PDZRN4: variants seen among roughly 807,000 people sequenced by gnomAD.
The protein encoded by PDZRN4 is PDZ domain-containing RING finger protein 4.
Under a neutral mutation model 99.0 loss-of-function variants are expected in PDZRN4, and 70 were observed. That is an observed-to-expected ratio of 0.71 (90% CI 0.58 to 0.86). PDZRN4 has a LOEUF of 0.86. PDZRN4 is among the 40% of genes least tolerant of loss of function. The pLI is 0.00. For missense variants in PDZRN4, 1,474 were observed against 1,331.2 expected, an observed-to-expected ratio of 1.11 and a Z score of -1.67; for synonymous variants, 551 against 501.6, an observed-to-expected ratio of 1.10 and a Z score of -1.32.
At position 41,442,155 on chromosome 12, in the gene PDZRN4, C is replaced by T. The variant is rs911391493; in HGVS notation, c.844-64301C>T. 2.0e-5 allele frequency among the ~76,000 whole-genome samples: 3 copies of T among 152,126 alleles called. No individual in the cohort carries two copies. In the South Asian group the frequency reaches 6.2e-4, roughly 32 times the overall value. ...CTTTCCAATTGTCTCTCTTCCTATT[C>T]TTCCTCTAATGCAATTTGTAATTGC... On this transcript the variant is annotated intron_variant, in intron 3 of 9. Transcript: ENST00000402685.
At chr12:41,453,975 A>T (rs775322349) in intron 3 of PDZRN4, among the ~76,000 whole-genome samples, 2 of 91,096 alleles carry the variant, frequency 2.2e-5, no homozygotes, top group Non-Finnish European at 4.6e-5. Flanking sequence ...CATTGTTTAT[A>T]GTCAGGGATT....
intron 3 of PDZRN4, among the ~76,000 whole-genome samples, chr12:41,318,421 T>C (rs545391795): frequency 6.6e-6 from 1 of 152,162 alleles, no homozygotes. Context: ...TGTAGAAAAT[T>C]GGGAAAACAA....
intron 3 of PDZRN4, among the ~76,000 whole-genome samples, chr12:41,487,023 A>G (rs1025341954): frequency 3.3e-5 from 5 of 152,090 alleles, no homozygotes; most frequent in South Asian, 2.1e-4. Context: ...AAGAAATACT[A>G]CAACTCCCCT....
intron 3 of PDZRN4, among the ~76,000 whole-genome samples, chr12:41,217,422 C>G (rs78105768): frequency 6.6e-6 from 1 of 151,920 alleles, no homozygotes; most frequent in Non-Finnish European, 1.5e-5. Flanking sequence ...TGGTCCTGCT[C>G]TAAGGCTTTC....
At chr12:41,485,459 G>A (rs933480359) in intron 3 of PDZRN4, among the ~76,000 whole-genome samples, 1 of 152,092 alleles carries the variant, frequency 6.6e-6, no homozygotes, top group Non-Finnish European at 1.5e-5. Context: ...TATTCTTACT[G>A]TCACATATCT....
chr12:41,257,406 T>C (rs1352795109), intron 3 of PDZRN4, among the ~76,000 whole-genome samples: 1 of 152,186 alleles, frequency 6.6e-6, no homozygotes, highest in Non-Finnish European at 1.5e-5. Flanking sequence ...CACCTAATCA[T>C]CTCTCATAGG....
intron 3 of PDZRN4, among the ~76,000 whole-genome samples, chr12:41,311,581 CT>C (rs1287591824): frequency 1.3e-5 from 2 of 152,130 alleles, no homozygotes; most frequent in African/African-American, 4.8e-5. Context: ...GAAATTATGT[CT>C]TTAGTACTTC....
At chr12:41,254,436 A>G (rs1951190812) in intron 3 of PDZRN4, among the ~76,000 whole-genome samples, 2 of 152,230 alleles carry the variant, frequency 1.3e-5, no homozygotes, top group Non-Finnish European at 2.9e-5. Context: ...TATAATGCTT[A>G]ACAGTTACAC....
chr12:41,372,628 T>C (rs1398780988), intron 3 of PDZRN4, among the ~76,000 whole-genome samples: 1 of 152,084 alleles, frequency 6.6e-6, no homozygotes, highest in Non-Finnish European at 1.5e-5. Flanking sequence ...TTTTTAATGG[T>C]AATAAAGGCA....
At chr12:41,278,689 T>C (rs1358523834) in intron 3 of PDZRN4, among the ~76,000 whole-genome samples, 1 of 152,162 alleles carries the variant, frequency 6.6e-6, no homozygotes, top group East Asian at 1.9e-4. Flanking sequence ...AGTAGTTCCC[T>C]TGAAAGTCCT....
At chr12:41,272,914 ACT>A (rs138738450) in intron 3 of PDZRN4, among the ~76,000 whole-genome samples, 1,816 of 152,102 alleles carry the variant, frequency 0.012, 21 homozygotes, top group Admixed American at 0.021. Context: ...GTTGGTTGTA[ACT>A]CTGAATTTCC....
Position 41,573,750 on chromosome 12 carries a change from A to G in PDZRN4, c.2971A>G (p.Ser991Gly), listed in dbSNP as rs909855984. The part of the protein sequence containing the change: ...GKKEINIIEL[S>G]HKKMMKKRNK... Reference sequence around the variant, plus strand: ...GAAGGAGATCAATATCATTGAACTGAGTCACAAAAAGATGATGAAAAAGAG... The same window carrying G: ...GAAGGAGATCAATATCATTGAACTGGGTCACAAAAAGATGATGAAAAAGAG... The change falls in exon 10 of 10, where the codon AGT (serine) becomes GGT (glycine). Residue 991 changes from serine to glycine, a missense_variant. Coordinates refer to ENST00000402685, the MANE Select transcript of PDZRN4 (RefSeq NM_001164595.2). The G allele has an allele frequency of 1.2e-6, 2 of 1,613,738 alleles. No individual in the cohort carries two copies. The highest frequency in any genetic ancestry group is 1.3e-5 in the African/African-American group (1 of 74,896).
chr12:41,422,043 T>G (rs950137007), intron 3 of PDZRN4, among the ~76,000 whole-genome samples: 1 of 152,108 alleles, frequency 6.6e-6, no homozygotes. Context: ...GTAGATGAAT[T>G]TAATGGATTG....
rs768673789 is a variant in PDZRN4, at chr12:41,506,708, G to A, written c.1096G>A (p.Asp366Asn). ...VPDICPFLLS[D>N]SCHSLHPMEH... ...AGACATCTGTCCATTCCTGCTCTCA[G>A]ACAGGTATTTTTCTATCATTTCTTC... The change falls in exon 4 of 10, where the codon GAC becomes AAC. Residue 366 changes from aspartate (D) to asparagine (N), a missense_variant. Coordinates refer to ENST00000402685, the MANE Select transcript of PDZRN4 (RefSeq NM_001164595.2). The A allele has an allele frequency of 6.2e-6, 10 of 1,603,782 alleles. No homozygotes were observed. In the Admixed American group the frequency reaches 1.5e-4, roughly 25 times the overall value.
At chr12:41,246,936 C>T (rs1196192177) in intron 3 of PDZRN4, among the ~76,000 whole-genome samples, 3 of 152,072 alleles carry the variant, frequency 2.0e-5, no homozygotes, top group Non-Finnish European at 4.4e-5. Context: ...ATTGAGTCTT[C>T]GGCTAGGATA....
At chr12:41,542,359 T>C (rs1938872311) in intron 5 of PDZRN4, among the ~76,000 whole-genome samples, 1 of 152,330 alleles carries the variant, frequency 6.6e-6, no homozygotes. Context: ...TTAAATTTGC[T>C]ATAGACACTA....
chr12:41,468,858 A>T (rs1381554330), intron 3 of PDZRN4, among the ~76,000 whole-genome samples: 1 of 152,162 alleles, frequency 6.6e-6, no homozygotes, highest in Non-Finnish European at 1.5e-5. Flanking sequence ...TTGTTACTCA[A>T]ATCAGTCGGG....
intron 3 of PDZRN4, among the ~76,000 whole-genome samples, chr12:41,376,880 A>G (rs1002471292): frequency 6.6e-6 from 1 of 152,062 alleles, no homozygotes; most frequent in Non-Finnish European, 1.5e-5. Context: ...TTAAGTTTTA[A>G]TTCTATTTTG....
chr12:41,443,963 T>G (rs568820382), intron 3 of PDZRN4, among the ~76,000 whole-genome samples: 1 of 151,778 alleles, frequency 6.6e-6, no homozygotes, highest in Non-Finnish European at 1.5e-5. Flanking sequence ...TGAGGAGAGG[T>G]ATAAGCACTG....
Sources: gnomAD v4.1 joint callset for allele counts (sites outside exome capture counted in the v4.1 genomes callset) on GRCh38, gnomAD v4.1.1 for gene constraint, MANE v1.5 for transcripts, NCBI Gene and HGNC (gene_info 2026-07-23, HGNC 2026-07-21) for gene names.